PLXNA4: variants seen among roughly 807,000 people sequenced by gnomAD.
The protein encoded by PLXNA4 is plexin A4, also known as plexin-A4.
PLXNA4 carries 44 observed loss-of-function variants against 191.8 expected under a neutral mutation model. The ratio of observed to expected loss-of-function variants is 0.23; its 90% CI spans 0.18 to 0.29. The LOEUF (loss-of-function observed/expected upper bound fraction) is 0.29. PLXNA4 is among the 10% of genes least tolerant of loss of function. The probability of loss-of-function intolerance (pLI) is 1.00; values close to 1 mark genes in which losing one functional copy is unlikely to be tolerated. For missense variants in PLXNA4, 1,800 were observed against 2,488.8 expected (o/e 0.72, Z 5.89); for synonymous variants, 1,082 against 1,009.5 (o/e 1.07, Z -1.36).
chr7:132,401,362 G>A (rs1460185988), intron 3 of PLXNA4, among the ~76,000 whole-genome samples: 1 of 152,236 alleles, frequency 6.6e-6, no homozygotes, highest in Non-Finnish European at 1.5e-5. Context: ...ATGGGACTAG[G>A]TTGCAGCCTG....
rs151288151 is a variant in PLXNA4 at position 132,435,765 on chromosome 7, G to A, written c.1371+53527C>T. On this transcript the variant is annotated intron_variant, in intron 3 of 31. Coordinates refer to ENST00000321063, the MANE Select transcript of PLXNA4 (RefSeq NM_020911.2). Reference sequence around the variant, plus strand: ...TGACCATCCACAGCACGTCCACTGAGCCCATCTCCCTTCCCCTTCCTACAC... The same window carrying A: ...TGACCATCCACAGCACGTCCACTGAACCCATCTCCCTTCCCCTTCCTACAC... Among the ~76,000 whole-genome samples, 17 of 152,254 alleles carry A rather than the reference G, an allele frequency of 1.1e-4. No homozygotes were observed. The East Asian group carries it at 2.9e-3, about 26-fold the overall frequency.
At chr7:132,228,880 A>G (rs989641957) in intron 5 of PLXNA4, among the ~76,000 whole-genome samples, 1 of 151,982 alleles carries the variant, frequency 6.6e-6, no homozygotes, top group African/African-American at 2.4e-5. Context: ...CTTCTGCTGG[A>G]CTTCCTTTTC....
chr7:132,163,022 G>A (rs573959404), intron 24 of PLXNA4, among the ~76,000 whole-genome samples: 74 of 152,302 alleles, frequency 4.9e-4, no homozygotes, highest in Non-Finnish European at 7.8e-4. Flanking sequence ...CGACCGCTGC[G>A]TTTGAACTTC....
In PLXNA4 at chr7:132,597,426, C is replaced by T. The variant is rs115680565; in HGVS notation, c.-87+48502G>A. On this transcript the variant is annotated intron_variant, in intron 2 of 4. Transcript: ENST00000378539. ...AACCTATTTTTTAAATGAAATATGT[C>T]TATGTCCTTTTACTAAATTGTAAGA... Among the ~76,000 whole-genome samples, 986 of 152,288 alleles carry T rather than the reference C, an allele frequency of 6.5e-3. 17 individuals are homozygous for T. Among genetic ancestry groups the T allele is most frequent in the African/African-American group, 0.022 (903 of 41,566 alleles).
At chr7:132,458,594 C>T (rs908640543) in intron 3 of PLXNA4, among the ~76,000 whole-genome samples, 2 of 151,358 alleles carry the variant, frequency 1.3e-5, no homozygotes, top group Admixed American at 6.6e-5. Flanking sequence ...ATTCCAGGCA[C>T]ATCAAGCAGA....
intron 1 of PLXNA4, among the ~76,000 whole-genome samples, chr7:132,571,355 A>G (rs1801971188): frequency 6.6e-6 from 1 of 152,210 alleles, no homozygotes; most frequent in South Asian, 2.1e-4. Flanking sequence ...TCTAAGTGCT[A>G]CAGGATGGCT....
chr7:132,592,880 C>A lies in PLXNA4; in HGVS notation c.-87+53048G>T, dbSNP rs537496017. On this transcript the variant is annotated intron_variant, in intron 2 of 4. Coordinates refer to the PLXNA4 transcript ENST00000378539. The stretch of plus-strand genomic sequence containing the variant: ...AGCAAAAAAAATTTAAAAAAAAAAA[C>A]CCGAAGACCTTGTTTTGCCACATGC... 6.3e-3 allele frequency among the ~76,000 whole-genome samples: 939 copies of A among 149,858 alleles called. 15 individuals are homozygous for A. The highest frequency in any genetic ancestry group is 0.021 in the African/African-American group (857 of 40,804).
chr7:132,195,913 C>T (rs1009370735), intron 13 of PLXNA4, among the ~76,000 whole-genome samples: 1 of 152,170 alleles, frequency 6.6e-6, no homozygotes, highest in Non-Finnish European at 1.5e-5. Flanking sequence ...TGTTCTTTAA[C>T]TTTACGGCTT....
intron 4 of PLXNA4, among the ~76,000 whole-genome samples, chr7:132,257,792 G>C (rs1352071867): frequency 1.3e-5 from 2 of 152,182 alleles, no homozygotes; most frequent in Admixed American, 6.5e-5. Flanking sequence ...TGGTTTACTA[G>C]GCCATGTTTT....
chr7:132,395,983 T>C (rs972687041), intron 3 of PLXNA4, among the ~76,000 whole-genome samples: 1 of 152,200 alleles, frequency 6.6e-6, no homozygotes, highest in Non-Finnish European at 1.5e-5. Context: ...TTTGGTGAGA[T>C]ATAAATTTCT....
At chr7:132,445,154 C>A (rs1341000092) in intron 3 of PLXNA4, among the ~76,000 whole-genome samples, 1 of 32,682 alleles carries the variant, frequency 3.1e-5, no homozygotes, top group East Asian at 1.4e-3. Context: ...GACTCCATCT[C>A]AGGAAAAAAA....
intron 3 of PLXNA4, among the ~76,000 whole-genome samples, chr7:132,469,084 G>A (rs1352560786): frequency 7.5e-6 from 1 of 133,700 alleles, no homozygotes; most frequent in Non-Finnish European, 1.5e-5. Context: ...GTATCTCGTA[G>A]GGAAACTAAA....
chr7:132,162,618 T>C (rs1374647174), intron 24 of PLXNA4, among the ~76,000 whole-genome samples: 1 of 152,074 alleles, frequency 6.6e-6, no homozygotes, highest in Non-Finnish European at 1.5e-5. Flanking sequence ...AGAAATCCAT[T>C]CAGGTCTCTA....
intron 3 of PLXNA4, among the ~76,000 whole-genome samples, chr7:132,426,214 C>A (rs1409468377): frequency 1.3e-5 from 2 of 152,348 alleles, no homozygotes; most frequent in East Asian, 3.9e-4. Flanking sequence ...CCTCCATCAT[C>A]CTGCAGAGCC....
chr7:132,482,066 CAAGTCCCCTCAATGGCTGAGAAACA>C (rs987226461), intron 3 of PLXNA4, among the ~76,000 whole-genome samples: 4 of 152,178 alleles, frequency 2.6e-5, no homozygotes, highest in African/African-American at 9.7e-5. Flanking sequence ...AGTATGGGTT[CAAGTCCCCTCAATGGCTGAGAAACA>C]AAGCCCTCAT....
At chr7:132,588,528 G>A (rs1029779714) in intron 2 of PLXNA4, among the ~76,000 whole-genome samples, 1 of 151,758 alleles carries the variant, frequency 6.6e-6, no homozygotes, top group African/African-American at 2.4e-5. Context: ...CCTCCCTGGT[G>A]GCTTTATCAA....
rs192561042 is a variant in PLXNA4, at chr7:132,143,318, C to A, written c.5225+1801G>T. On this transcript the variant is annotated intron_variant, in intron 29 of 31. Coordinates refer to ENST00000321063, the MANE Select transcript of PLXNA4 (RefSeq NM_020911.2). ...CTTTCTGGGATTTCCTTTGCTCAGA[C>A]CTGAGTACTTGGAAGAGCTGGCATC... Among the ~76,000 whole-genome samples the A allele has an allele frequency of 7.2e-5, 11 of 152,272 alleles. No individual in the cohort carries two copies. In the East Asian group the frequency reaches 1.9e-3, roughly 27 times the overall value.
At chr7:132,628,291 AGACC>A (rs1210372390) in intron 2 of PLXNA4, among the ~76,000 whole-genome samples, 1 of 152,184 alleles carries the variant, frequency 6.6e-6, no homozygotes. Context: ...GTTGATGAGA[AGACC>A]CATGCTCTGT....
At chr7:132,417,512 C>G (rs1469126454) in intron 3 of PLXNA4, among the ~76,000 whole-genome samples, 1 of 152,140 alleles carries the variant, frequency 6.6e-6, no homozygotes, top group Non-Finnish European at 1.5e-5. Flanking sequence ...TGCTTTAGTT[C>G]ACAAATTCCT....
Sources: gnomAD v4.1 joint callset for allele counts (sites outside exome capture counted in the v4.1 genomes callset) on GRCh38, gnomAD v4.1.1 for gene constraint, MANE v1.5 for transcripts, NCBI Gene and HGNC (gene_info 2026-07-23, HGNC 2026-07-21) for gene names.